ADAMTS19: variants seen among roughly 807,000 people sequenced by gnomAD.
ADAMTS19 encodes the protein ADAM metallopeptidase with thrombospondin type 1 motif 19, also known as A disintegrin and metalloproteinase with thrombospondin motifs 19.
ADAMTS19 carries 93 observed loss-of-function variants against 153.3 expected under a neutral mutation model. The ratio of observed to expected loss-of-function variants is 0.61; its 90% CI spans 0.51 to 0.72. The LOEUF (loss-of-function observed/expected upper bound fraction) is 0.72. ADAMTS19 is among the 30% of genes least tolerant of loss of function. The probability of loss-of-function intolerance (pLI) is 0.00; values close to 1 mark genes in which losing one functional copy is unlikely to be tolerated. For synonymous variants in ADAMTS19, 600 were observed against 556.6 expected (o/e 1.08, Z -1.10); for missense variants, 1,482 against 1,552.1 (o/e 0.95, Z 0.76).
chr5:129,493,915 A>T (rs1013987514), intron 2 of ADAMTS19, among the ~76,000 whole-genome samples: 47 of 151,728 alleles, frequency 3.1e-4, no homozygotes, highest in African/African-American at 1.1e-3. Context: ...TTACTCACAT[A>T]TTGTCTATTT....
intron 16 of ADAMTS19, among the ~76,000 whole-genome samples, chr5:129,675,221 C>T (rs1487464801): frequency 6.6e-6 from 1 of 152,000 alleles, no homozygotes; most frequent in Non-Finnish European, 1.5e-5. Flanking sequence ...TATAATGTAC[C>T]TTGTATGGCT....
At chr5:129,645,990 G>A (rs1158606134) in intron 11 of ADAMTS19, among the ~76,000 whole-genome samples, 1 of 142,610 alleles carries the variant, frequency 7.0e-6, no homozygotes, top group Admixed American at 7.3e-5. Flanking sequence ...CCGGGTTCAC[G>A]CCATTCTCCT....
intron 8 of ADAMTS19, among the ~76,000 whole-genome samples, chr5:129,603,554 T>C (rs764900127): frequency 6.6e-6 from 1 of 152,170 alleles, no homozygotes; most frequent in Non-Finnish European, 1.5e-5. Context: ...CTTGCATTAT[T>C]GTGTATGGTT....
rs557776405 is a variant in ADAMTS19, at chr5:129,738,486, A to T, written c.*1268A>T. The stretch of plus-strand genomic sequence containing the variant: ...TGTCTCTTGGGAGCAAAGGGCAAAC[A>T]TACTTCTCATTATAAAAGTTTCAGG... On this transcript the variant is annotated 3_prime_UTR_variant, in exon 23 of 23. Transcript: ENST00000274487. 6 of 152,138 alleles carry T rather than the reference A, an allele frequency of 3.9e-5. No homozygotes were observed. Among genetic ancestry groups the T allele is most frequent in the Non-Finnish European group, 8.8e-5 (6 of 67,964 alleles). The allele number at this position is 152,138 out of a possible 1,614,324, so 9.4% of individuals were successfully genotyped here.
chr5:129,476,207 C>T (rs991453155), intron 2 of ADAMTS19, among the ~76,000 whole-genome samples: 5 of 151,882 alleles, frequency 3.3e-5, no homozygotes, highest in African/African-American at 1.2e-4. Flanking sequence ...ACTGGTAGTC[C>T]ATATTACAGT....
intron 3 of ADAMTS19, among the ~76,000 whole-genome samples, chr5:129,517,630 C>T (rs1338949361): frequency 1.3e-5 from 2 of 151,652 alleles, no homozygotes. Context: ...TTTTATTGGC[C>T]TGGCATATCT....
chr5:129,545,374 A>G (rs576800132), intron 6 of ADAMTS19, among the ~76,000 whole-genome samples: 71 of 152,286 alleles, frequency 4.7e-4, no homozygotes, highest in African/African-American at 1.6e-3. Context: ...GGCTACATAG[A>G]GTGGTTAAGA....
intron 2 of ADAMTS19, among the ~76,000 whole-genome samples, chr5:129,470,492 G>A (rs769993877): frequency 6.6e-6 from 1 of 152,172 alleles, no homozygotes. Flanking sequence ...ATAATTTGAT[G>A]CAGAGTGCAT....
intron 2 of ADAMTS19, among the ~76,000 whole-genome samples, chr5:129,474,881 A>G (rs1441091897): frequency 6.6e-6 from 1 of 152,218 alleles, no homozygotes; most frequent in African/African-American, 2.4e-5. Flanking sequence ...CCATTGTAAT[A>G]TTTGTCATCT....
intron 2 of ADAMTS19, among the ~76,000 whole-genome samples, chr5:129,506,890 T>C (rs1159427729): frequency 1.3e-5 from 2 of 151,880 alleles, no homozygotes; most frequent in Admixed American, 6.6e-5. Flanking sequence ...ATGTGTATTT[T>C]TAAAATATAT....
intron 3 of ADAMTS19, among the ~76,000 whole-genome samples, chr5:129,519,366 A>T (rs2042170): frequency 6.6e-6 from 1 of 151,982 alleles, no homozygotes; most frequent in Non-Finnish European, 1.5e-5. Context: ...AAAGTCTTCC[A>T]CACGTTTCCC....
chr5:129,487,558 T>C lies in ADAMTS19; in HGVS notation c.748-21519T>C, dbSNP rs371395619. Among the ~76,000 whole-genome samples, 29 of 152,206 alleles carry C rather than the reference T, an allele frequency of 1.9e-4. No homozygotes were observed. In the East Asian group the frequency reaches 3.3e-3, roughly 17 times the overall value. On this transcript the variant is annotated intron_variant, in intron 2 of 22. Coordinates refer to ENST00000274487, the MANE Select transcript of ADAMTS19 (RefSeq NM_133638.6). ...CTTTGTATAATATATAATCCACTTG[T>C]AAATATCAGAGTTCTATTTGTGGAT...
chr5:129,487,473 C>T (rs1167120296), intron 2 of ADAMTS19, among the ~76,000 whole-genome samples: 1 of 151,850 alleles, frequency 6.6e-6, no homozygotes, highest in African/African-American at 2.4e-5. Context: ...TTAAATTTAA[C>T]AAGTGTGTTT....
intron 14 of ADAMTS19, among the ~76,000 whole-genome samples, chr5:129,655,258 G>A (rs1042749707): frequency 6.6e-6 from 1 of 152,190 alleles, no homozygotes; most frequent in Non-Finnish European, 1.5e-5. Flanking sequence ...GGGCTTGAGA[G>A]TTGTTACCAT....
chr5:129,582,739 A>G (rs1466512552), intron 7 of ADAMTS19, among the ~76,000 whole-genome samples: 1 of 140,898 alleles, frequency 7.1e-6, no homozygotes, highest in Non-Finnish European at 1.5e-5. Flanking sequence ...TGCCCAGCTA[A>G]TTTTTTTTTT....
At chr5:129,494,755 A>G (rs190443557) in intron 2 of ADAMTS19, among the ~76,000 whole-genome samples, 44 of 152,282 alleles carry the variant, frequency 2.9e-4, no homozygotes, top group African/African-American at 9.9e-4. Context: ...ACATGGGCCA[A>G]AATTATATTG....
intron 2 of ADAMTS19, among the ~76,000 whole-genome samples, chr5:129,496,139 G>T (rs1453515220): frequency 6.6e-6 from 1 of 151,954 alleles, no homozygotes. Context: ...ATAATTTCTT[G>T]GGTTTTATTT....
chr5:129,629,722 A>G (rs1169239654), intron 10 of ADAMTS19, among the ~76,000 whole-genome samples: 1 of 152,096 alleles, frequency 6.6e-6, no homozygotes, highest in Non-Finnish European at 1.5e-5. Flanking sequence ...TTAATGGCTG[A>G]CTTCTTGGAT....
At chr5:129,679,207 C>A (rs568779746) in intron 16 of ADAMTS19, among the ~76,000 whole-genome samples, 2 of 152,252 alleles carry the variant, frequency 1.3e-5, no homozygotes, top group African/African-American at 2.4e-5. Flanking sequence ...CAGCAAATCA[C>A]AAACAGATGT....
Sources: gnomAD v4.1 joint callset for allele counts (sites outside exome capture counted in the v4.1 genomes callset) on GRCh38, gnomAD v4.1.1 for gene constraint, MANE v1.5 for transcripts, NCBI Gene and HGNC (gene_info 2026-07-23, HGNC 2026-07-21) for gene names.